Variants in TLR3 observed in about 807,000 individuals in gnomAD.
TLR3 encodes the protein toll like receptor 3, also known as toll-like receptor 3.
A neutral mutation model predicts 66.4 loss-of-function variants in TLR3; 43 were observed. That is an observed-to-expected ratio of 0.65 (90% CI 0.51 to 0.83). The LOEUF (loss-of-function observed/expected upper bound fraction) is 0.83. Among genes scored for constraint, TLR3 ranks in the 40% least tolerant of loss-of-function variants. TLR3 has a pLI of 0.00. For synonymous variants in TLR3, 397 were observed against 397.2 expected (o/e 1.00, Z 0.01); for missense variants, 982 against 1,044.6 (o/e 0.94, Z 0.83).
intron 1 of TLR3, among the ~76,000 whole-genome samples, chr4:186,076,149 T>C (rs964622006): frequency 6.6e-6 from 1 of 152,018 alleles, no homozygotes; most frequent in Non-Finnish European, 1.5e-5. Flanking sequence ...CCAGATTCCA[T>C]CTCAAAAACA....
Position 186,078,946 on chromosome 4 carries a change from T to C in TLR3, c.548T>C (p.Ile183Thr). 4 of 1,613,810 alleles carry C rather than the reference T, an allele frequency of 2.5e-6. No individual in the cohort carries two copies. Among genetic ancestry groups the C allele is most frequent in the Non-Finnish European group, 3.4e-6 (4 of 1,179,956 alleles). The change falls in exon 3 of 5, where the codon ATT (isoleucine) becomes ACT (threonine). Residue 183 changes from isoleucine (I) to threonine (T), a missense_variant. This residue lies in a region of TLR3 where 313 missense variants were observed against 319.0 expected (regional missense o/e 0.98). Coordinates refer to ENST00000296795, the MANE Select transcript of TLR3 (RefSeq NM_003265.3). ...LQELLLSNNK[I>T]QALKSEELDI... ...GAGCTTCTATTATCAAACAATAAAATTCAAGCGCTAAAAAGTGAAGAACTG... is the reference window on the plus strand; with the variant it reads ...GAGCTTCTATTATCAAACAATAAAACTCAAGCGCTAAAAAGTGAAGAACTG...
rs11930050 is a variant in TLR3 at position 186,076,495 on chromosome 4, G to A, written c.-7-118G>A. On this transcript the variant is annotated intron_variant, in intron 1 of 4. Coordinates refer to ENST00000296795, the MANE Select transcript of TLR3 (RefSeq NM_003265.3). ...GTACTTGTATGGCATAAAACTATGA[G>A]TAATAACATCATACATGGTCATATT... 4,706 of 975,318 alleles carry A rather than the reference G, an allele frequency of 4.8e-3. 146 individuals are homozygous for A. In the African/African-American group the frequency reaches 0.062, roughly 13 times the overall value. 60.4% of individuals were successfully genotyped at this position (975,318 alleles called of 1,614,324 possible).
intron 1 of TLR3, among the ~76,000 whole-genome samples, chr4:186,073,782 A>G (rs773101880): frequency 3.9e-5 from 6 of 152,328 alleles, no homozygotes; most frequent in Non-Finnish European, 7.3e-5. Flanking sequence ...GTAAGAAAAT[A>G]AATAGGCAAC....
At chr4:186,070,363 T>G (rs929424832) in intron 1 of TLR3, among the ~76,000 whole-genome samples, 2 of 151,956 alleles carry the variant, frequency 1.3e-5, no homozygotes, top group Non-Finnish European at 2.9e-5. Flanking sequence ...CTATCTTATT[T>G]TATTTTATTT....
At chr4:186,075,734 T>C (rs1481203966) in intron 1 of TLR3, among the ~76,000 whole-genome samples, 3 of 152,194 alleles carry the variant, frequency 2.0e-5, no homozygotes, top group African/African-American at 7.2e-5. Flanking sequence ...TATGTAATCA[T>C]AGTTTCAGGG....
intron 1 of TLR3, among the ~76,000 whole-genome samples, chr4:186,074,076 A>G (rs930540347): frequency 2.6e-5 from 4 of 152,232 alleles, no homozygotes; most frequent in African/African-American, 9.6e-5. Flanking sequence ...TGTTGTCAGG[A>G]AAGTTGGTGG....
chr4:186,079,550 G>C (rs536203227), intron 3 of TLR3, among the ~76,000 whole-genome samples: 174 of 152,188 alleles, frequency 1.1e-3, no homozygotes, highest in Admixed American at 3.4e-3. Flanking sequence ...ATTTAGGACC[G>C]TGTCTGGCGT....
chr4:186,084,784 A>G lies in TLR3; in HGVS notation c.2626A>G (p.Ile876Val). 6.2e-7 allele frequency: 1 copy of G among 1,614,144 alleles called. No homozygotes were observed. Among genetic ancestry groups the G allele is most frequent in the Non-Finnish European group, 8.5e-7 (1 of 1,180,008 alleles). ...AAGAGGAATGTTTAAATCTCACTGC[A>G]TCTTGAACTGGCCAGTTCAGAAAGA... ...LRRGMFKSHC[I>V]LNWPVQKERI... The change falls in exon 5 of 5, where the codon ATC becomes GTC. Residue 876 changes from isoleucine (I) to valine (V), a missense_variant. This residue lies in a region of TLR3 where 666 missense variants were observed against 709.0 expected (regional missense o/e 0.94). Transcript: ENST00000296795.
intron 3 of TLR3, 147 bp downstream of exon 3, chr4:186,079,178 ATCC>A: frequency 1.2e-6 from 1 of 800,890 alleles, no homozygotes; most frequent in Middle Eastern, 3.7e-4. Context: ...CATTGGTGTC[ATCC>A]TCCTGAGAGC....
In TLR3 at chr4:186,076,712, C is replaced by T. The variant is rs1245191986; in HGVS notation, c.93C>T (p.Ser31=). 2 of 1,614,026 alleles carry T rather than the reference C, an allele frequency of 1.2e-6. No individual in the cohort carries two copies. Among genetic ancestry groups the T allele is most frequent in the African/African-American group, 2.7e-5 (2 of 74,920 alleles). ...CCTCCACCACCAAGTGCACTGTTAGCCATGAAGTTGCTGACTGCAGCCACC... is the reference window on the plus strand; with the variant it reads ...CCTCCACCACCAAGTGCACTGTTAGTCATGAAGTTGCTGACTGCAGCCACC... ...CASSTTKCTV[S]HEVADCSHLK... The change falls in exon 2 of 5, where the codon AGC becomes AGT. Residue 31 remains serine (S), a synonymous_variant. Coordinates refer to ENST00000296795, the MANE Select transcript of TLR3 (RefSeq NM_003265.3).
chr4:186,077,144 A>C lies in TLR3; in HGVS notation c.441+84A>C, dbSNP rs549652937. 4.3e-6 allele frequency: 6 copies of C among 1,398,970 alleles called. No homozygotes were observed. In the Admixed American group the frequency reaches 1.1e-4, roughly 26 times the overall value. The allele number at this position is 1,398,970 out of a possible 1,614,324, so 86.7% of individuals were successfully genotyped here. A position where few individuals can be genotyped will look rare whatever the true frequency, so the allele number is the denominator to read the frequency against. On this transcript the variant is annotated intron_variant, in intron 2 of 4. Transcript: ENST00000296795. ...TTACTATCTAAATATCAAGGAAATA[A>C]AGAGGAAGAAATTTGATCTAATCCA... is the stretch of plus-strand genomic sequence containing the variant.
chr4:186,075,767 T>C (rs1024779838), intron 1 of TLR3, among the ~76,000 whole-genome samples: 2 of 152,224 alleles, frequency 1.3e-5, no homozygotes, highest in African/African-American at 2.4e-5. Context: ...ATTTCACATC[T>C]TGACAATGTC....
chr4:186,084,681 A>G lies in TLR3; in HGVS notation c.2523A>G (p.Glu841=), dbSNP rs1232968295. 2.5e-6 allele frequency: 4 copies of G among 1,613,880 alleles called. No homozygotes were observed. The highest frequency in any genetic ancestry group is 1.6e-4 in the Middle Eastern group (1 of 6,082). ...ATCATGCAGTTCAACAAGCTATTGAACAAAATCTGGATTCCATTATATTGG... is the reference window on the plus strand; with the variant it reads ...ATCATGCAGTTCAACAAGCTATTGAGCAAAATCTGGATTCCATTATATTGG... ...KVHHAVQQAI[E]QNLDSIILVF... Residue 841 remains glutamate (E), a synonymous_variant, in exon 5 of 5, where the codon GAA becomes GAG. Coordinates refer to ENST00000296795, the MANE Select transcript of TLR3 (RefSeq NM_003265.3).
At position 186,083,551 on chromosome 4, in the gene TLR3, TA is replaced by T; in HGVS notation, c.1867del (p.Thr623HisfsTer15). The T allele has an allele frequency of 6.2e-7, 1 of 1,613,120 alleles. No homozygotes were observed. The highest frequency in any genetic ancestry group is 8.5e-7 in the Non-Finnish European group (1 of 1,179,642). On this transcript the variant is annotated frameshift_variant, in exon 4 of 5. Transcript: ENST00000296795. LOFTEE classifies it high-confidence loss of function. The surrounding 1 kb of genome is among the most constrained non-coding windows in gnomAD (Gnocchi z 4.0). The part of the protein sequence containing the change: ...LKSLNLQKNL[I>X]TSVEKKVFGP... ...TCATTGAACCTTCAGAAGAATCTCA[TA>T]ACATCCGTTGAGAAGAAGGTTTTCG...
rs35103715 is a variant in TLR3 at position 186,087,860 on chromosome 4, G to C, written c.*2987G>C. ...ACACAAAGCAGATGAGTGGTTGTCT[G>C]GGCCTAGGAACAGGAATGGGGAGTG... On this transcript the variant is annotated 3_prime_UTR_variant, in exon 5 of 5. Transcript: ENST00000296795. The C allele has an allele frequency of 0.28, 42,548 of 152,038 alleles. 6,592 individuals are homozygous for C. Among genetic ancestry groups the C allele is most frequent in the Admixed American group, 0.37 (5,668 of 15,258 alleles). The allele number at this position is 152,038 out of a possible 1,614,324, so 9.4% of individuals were successfully genotyped here.
At chr4:186,075,341 G>T (rs1333855734) in intron 1 of TLR3, among the ~76,000 whole-genome samples, 1 of 152,160 alleles carries the variant, frequency 6.6e-6, no homozygotes, top group Non-Finnish European at 1.5e-5. Context: ...TGTGATTGAG[G>T]CTGGGCACAT....
Position 186,087,103 on chromosome 4 carries a change from T to A in TLR3, c.*2230T>A, listed in dbSNP as rs1027240174. 6 of 152,224 alleles carry A rather than the reference T, an allele frequency of 3.9e-5. No homozygotes were observed. Among genetic ancestry groups the A allele is most frequent in the Non-Finnish European group, 2.9e-5 (2 of 68,036 alleles). 9.4% of individuals were successfully genotyped at this position (152,224 alleles called of 1,614,324 possible). ...ATAGCTGTCACAGCTGAGGTAGAGT[T>A]ACAGTGATTTACTTGGTGGTAGAAT... On this transcript the variant is annotated 3_prime_UTR_variant, in exon 5 of 5. Coordinates refer to ENST00000296795, the MANE Select transcript of TLR3 (RefSeq NM_003265.3).
chr4:186,085,172 C>A lies in TLR3; in HGVS notation c.*299C>A. The A allele has an allele frequency of 2.8e-6, 1 of 356,960 alleles. No homozygotes were observed. The highest frequency in any genetic ancestry group is 5.1e-6 in the Non-Finnish European group (1 of 194,870). 22.1% of individuals were successfully genotyped at this position (356,960 alleles called of 1,614,324 possible). A position where few individuals can be genotyped will look rare whatever the true frequency, so the allele number is the denominator to read the frequency against. ...GCTTAAGGAGTTTGAAAACATTCCTCATTTTAAGAAAAGTTAGAGGTATAT... is the reference window on the plus strand; with the variant it reads ...GCTTAAGGAGTTTGAAAACATTCCTAATTTTAAGAAAAGTTAGAGGTATAT... On this transcript the variant is annotated 3_prime_UTR_variant, in exon 5 of 5. Coordinates refer to ENST00000296795, the MANE Select transcript of TLR3 (RefSeq NM_003265.3).
intron 1 of TLR3, among the ~76,000 whole-genome samples, chr4:186,074,084 T>C (rs1216628460): frequency 3.3e-5 from 5 of 152,216 alleles, no homozygotes; most frequent in Non-Finnish European, 7.3e-5. Flanking sequence ...GGAAAGTTGG[T>C]GGTGCAACAC....
Sources: gnomAD v4.1 joint callset for allele counts (sites outside exome capture counted in the v4.1 genomes callset) on GRCh38, gnomAD v4.1.1 for gene constraint, gnomAD v4.1.1 regional missense constraint, Gnocchi (gnomAD v3.1) non-coding constraint, MANE v1.5 for transcripts, NCBI Gene and HGNC (gene_info 2026-07-23, HGNC 2026-07-21) for gene names.